CSMD1: variants seen among roughly 807,000 people sequenced by gnomAD.
The protein encoded by CSMD1 is CUB and sushi domain-containing protein 1.
In CSMD1, 213 loss-of-function variants were observed where a neutral mutation model predicts 417.5. The ratio of observed to expected loss-of-function variants is 0.51; its 90% CI spans 0.46 to 0.57. The LOEUF (loss-of-function observed/expected upper bound fraction) is 0.57, where lower values mean the gene tolerates loss of function less well. CSMD1 is among the 20% of genes least tolerant of loss of function. CSMD1 has a pLI of 0.00. For synonymous variants in CSMD1, 2,862 were observed against 1,736.8 expected, an observed-to-expected ratio of 1.65 and a Z score of -16.11; for missense variants, 6,923 against 4,529.7, an observed-to-expected ratio of 1.53 and a Z score of -15.17.
chr8:3,019,063 G>A (rs1809126450), intron 51 of CSMD1, among the ~76,000 whole-genome samples: 1 of 152,008 alleles, frequency 6.6e-6, no homozygotes, highest in African/African-American at 2.4e-5. Context: ...GATTAAAGGC[G>A]CCTGCCACCA....
chr8:4,584,745 T>G (rs1426348601), intron 2 of CSMD1, among the ~76,000 whole-genome samples: 1 of 152,156 alleles, frequency 6.6e-6, no homozygotes, highest in Non-Finnish European at 1.5e-5. Context: ...TGGGTCCTAA[T>G]GCCGGCCAGA....
At chr8:3,309,549 T>C (rs929891487) in intron 23 of CSMD1, among the ~76,000 whole-genome samples, 2 of 141,862 alleles carry the variant, frequency 1.4e-5, no homozygotes, top group African/African-American at 2.5e-5. Flanking sequence ...GGCAATATTT[T>C]AAGGCCATCT....
chr8:3,055,942 A>C (rs1812188683), intron 49 of CSMD1, among the ~76,000 whole-genome samples: 2 of 152,186 alleles, frequency 1.3e-5, no homozygotes, highest in Non-Finnish European at 2.9e-5. Flanking sequence ...GGTTCAATGA[A>C]ATCATCCTTA....
chr8:4,015,573 T>C (rs1217316338), intron 4 of CSMD1, among the ~76,000 whole-genome samples: 2 of 151,776 alleles, frequency 1.3e-5, no homozygotes, highest in East Asian at 1.9e-4. Context: ...TACTGCTATG[T>C]TATTTAGTGG....
chr8:4,908,778 C>T (rs1367401407), intron 1 of CSMD1, among the ~76,000 whole-genome samples: 1 of 151,914 alleles, frequency 6.6e-6, no homozygotes, highest in Non-Finnish European at 1.5e-5. Flanking sequence ...TTTCTGCTTG[C>T]ATAGCTTATC....
chr8:3,882,026 A>G (rs1806238899), intron 5 of CSMD1, among the ~76,000 whole-genome samples: 1 of 152,216 alleles, frequency 6.6e-6, no homozygotes, highest in African/African-American at 2.4e-5. Flanking sequence ...TGATGCAACT[A>G]TTTTTAAAAG....
intron 1 of CSMD1, among the ~76,000 whole-genome samples, chr8:4,679,142 G>C (rs927751127): frequency 2.0e-5 from 3 of 152,056 alleles, no homozygotes; most frequent in Admixed American, 6.6e-5. Context: ...TTCCCTTCTT[G>C]ATATGGCCAA....
Position 4,374,092 on chromosome 8 carries a change from C to A in CSMD1, c.415+45861G>T, listed in dbSNP as rs185877435. On this transcript the variant is annotated intron_variant, in intron 3 of 69. Transcript: ENST00000635120. ...CAATAATGAAGTGTATCATATGTGACCGAAGCATGGTTTTCACACCTGCCA... is the reference window on the plus strand; with the variant it reads ...CAATAATGAAGTGTATCATATGTGAACGAAGCATGGTTTTCACACCTGCCA... Among the ~76,000 whole-genome samples, 81 of 152,152 alleles carry A rather than the reference C, an allele frequency of 5.3e-4. 1 individual carries two copies. Among genetic ancestry groups the A allele is most frequent in the African/African-American group, 1.8e-3 (75 of 41,508 alleles).
intron 2 of CSMD1, among the ~76,000 whole-genome samples, chr8:4,553,755 C>T (rs1797972021): frequency 6.6e-6 from 1 of 152,194 alleles, no homozygotes; most frequent in Admixed American, 6.5e-5. Context: ...ATATTTCTAA[C>T]TGCTCAGAGT....
In CSMD1 at chr8:3,534,007, T is replaced by C. The variant is rs150292749; in HGVS notation, c.1345-40281A>G. The stretch of plus-strand genomic sequence containing the variant: ...GCAATATTTATATTTTAAATCTACT[T>C]TTGCGGAAGAAGAATATTCTATGAA... On this transcript the variant is annotated intron_variant, in intron 10 of 69. Transcript: ENST00000635120. Among the ~76,000 whole-genome samples the C allele has an allele frequency of 1.3e-3, 191 of 152,274 alleles. 1 individual carries two copies. The highest frequency in any genetic ancestry group is 4.4e-3 in the African/African-American group (184 of 41,550).
In CSMD1 at chr8:3,817,777, A is replaced by G. The variant is rs373083798; in HGVS notation, c.819-63735T>C. ...AAACAGAGGTCTTCCAAAAGCCCCA[A>G]TGCAGACCAAAGTCAGGAATGTTTA... is the stretch of plus-strand genomic sequence containing the variant. On this transcript the variant is annotated intron_variant, in intron 5 of 69. Transcript: ENST00000635120. Among the ~76,000 whole-genome samples, 8 of 152,240 alleles carry G rather than the reference A, an allele frequency of 5.3e-5. No homozygotes were observed. In the South Asian group the frequency reaches 1.7e-3, roughly 32 times the overall value.
intron 3 of CSMD1, among the ~76,000 whole-genome samples, chr8:4,121,259 C>T (rs1030952885): frequency 6.6e-6 from 1 of 152,088 alleles, no homozygotes; most frequent in Non-Finnish European, 1.5e-5. Flanking sequence ...GGATTACAGG[C>T]ACCTGACACC....
intron 7 of CSMD1, among the ~76,000 whole-genome samples, chr8:3,638,065 C>A (rs897675540): frequency 2.6e-5 from 4 of 152,084 alleles, no homozygotes; most frequent in African/African-American, 9.7e-5. Flanking sequence ...AGGAGCATGG[C>A]TTTTCTAACC....
chr8:3,313,821 G>A lies in CSMD1; in HGVS notation c.3632-5318C>T, dbSNP rs28771773. Among the ~76,000 whole-genome samples, 23 of 152,234 alleles carry A rather than the reference G, an allele frequency of 1.5e-4. No homozygotes were observed. In the South Asian group the frequency reaches 1.9e-3, roughly 12 times the overall value. On this transcript the variant is annotated intron_variant, in intron 23 of 69. Coordinates refer to ENST00000635120, the MANE Select transcript of CSMD1 (RefSeq NM_033225.6). ...TGCTTCTATAAGGAAACATGCACACGTATGTTTATAGCGGCACTATTCACA... is the reference window on the plus strand; with the variant it reads ...TGCTTCTATAAGGAAACATGCACACATATGTTTATAGCGGCACTATTCACA...
At chr8:4,160,962 T>C (rs1460446001) in intron 3 of CSMD1, among the ~76,000 whole-genome samples, 2 of 152,320 alleles carry the variant, frequency 1.3e-5, no homozygotes, top group Middle Eastern at 3.4e-3. Context: ...ATTTATCAGT[T>C]GATATAAAAA....
At chr8:4,143,951 T>G (rs1157650100) in intron 3 of CSMD1, among the ~76,000 whole-genome samples, 2 of 151,420 alleles carry the variant, frequency 1.3e-5, no homozygotes, top group East Asian at 1.9e-4. Context: ...GGATGGCCAG[T>G]GCTTGGCCCA....
chr8:3,165,401 G>C (rs1444756066), intron 37 of CSMD1, among the ~76,000 whole-genome samples: 1 of 151,802 alleles, frequency 6.6e-6, no homozygotes, highest in Non-Finnish European at 1.5e-5. Flanking sequence ...CATGAGAACA[G>C]TGGTTTTTAA....
At chr8:4,147,077 G>C (rs909379387) in intron 3 of CSMD1, among the ~76,000 whole-genome samples, 1 of 151,810 alleles carries the variant, frequency 6.6e-6, no homozygotes, top group African/African-American at 2.4e-5. Flanking sequence ...AACTCCAGCT[G>C]TCCTCACTCC....
At chr8:4,495,938 G>A (rs566759846) in intron 2 of CSMD1, among the ~76,000 whole-genome samples, 1 of 152,110 alleles carries the variant, frequency 6.6e-6, no homozygotes, top group Non-Finnish European at 1.5e-5. Flanking sequence ...TATGGCAAAT[G>A]ACAAGAACCA....
Sources: allele counts gnomAD v4.1 joint callset (sites outside exome capture counted in the v4.1 genomes callset), GRCh38; gene constraint gnomAD v4.1.1; transcripts MANE v1.5; gene names NCBI Gene and HGNC (gene_info 2026-07-23, HGNC 2026-07-21).